Variants in MMD2 observed in about 807,000 individuals in gnomAD.
MMD2 encodes the protein monocyte to macrophage differentiation factor 2.
Under a neutral mutation model 33.5 loss-of-function variants are expected in MMD2, and 30 were observed. The ratio of observed to expected loss-of-function variants is 0.90; its 90% CI spans 0.67 to 1.22. The LOEUF (loss-of-function observed/expected upper bound fraction) is 1.22. MMD2 is among the 50% of genes most tolerant of loss of function. MMD2 has a pLI of 0.00. For synonymous variants in MMD2, 129 were observed against 123.0 expected, an observed-to-expected ratio of 1.05 and a Z score of -0.32; for missense variants, 364 against 325.4, an observed-to-expected ratio of 1.12 and a Z score of -0.91.
chr7:4,892,622 GA>G, the MMD2 span, among the ~76,000 whole-genome samples: 1 of 114,676 alleles, frequency 8.7e-6, no homozygotes. Context: ...AAATAAATCT[GA>G]AAAAATTAAT....
chr7:4,895,104 A>G, the MMD2 span, among the ~76,000 whole-genome samples: 10 of 148,210 alleles, frequency 6.7e-5, no homozygotes, highest in Non-Finnish European at 1.2e-4. Context: ...TCTGAGACAG[A>G]GTCTCGCTCT....
Position 4,925,399 on chromosome 7 carries a change from T to A in MMD2, c.129+52A>T. 3,690 of 776,152 alleles carry A rather than the reference T, an allele frequency of 4.8e-3. 1 individual carries two copies. Among genetic ancestry groups the A allele is most frequent in the Non-Finnish European group, 6.5e-3 (3,347 of 512,116 alleles). The allele number at this position is 776,152 out of a possible 1,614,324, so 48.1% of individuals were successfully genotyped here. ...AAGGAGGTGACTTCCCCCACCCCCC[T>A]TCCCCGGAAGTGTCCCCATCTCAGC... On this transcript the variant is annotated intron_variant, in intron 2 of 6. Coordinates refer to ENST00000401401, the MANE Select transcript of MMD2 (RefSeq NM_198403.4).
rs999920966 is a variant in MMD2 at position 4,946,088 on chromosome 7, CGCACACACACGCAT to C, written c.47+12869_47+12882del. ...ACACACTCACACGCACGCACACGCA[CGCACACACACGCAT>C]GCACACGCGCACACGCACGCACACA... On this transcript the variant is annotated intron_variant, in intron 1 of 6. Coordinates refer to ENST00000401401, the MANE Select transcript of MMD2 (RefSeq NM_198403.4). This position sits in a 1 kb window ranked among gnomAD's most constrained non-coding sequence, Gnocchi z 5.0. Among the ~76,000 whole-genome samples the C allele has an allele frequency of 1.1e-4, 16 of 151,626 alleles. No homozygotes were observed. The highest frequency in any genetic ancestry group is 1.9e-4 in the East Asian group (1 of 5,174).
chr7:4,916,760 A>G lies in MMD2; in HGVS notation c.291-681T>C, dbSNP rs551625435. Among the ~76,000 whole-genome samples the G allele has an allele frequency of 3.3e-4, 50 of 152,194 alleles. No homozygotes were observed. The South Asian group carries it at 5.4e-3, about 16-fold the overall frequency. On this transcript the variant is annotated intron_variant, in intron 3 of 6. Transcript: ENST00000401401. Reference sequence around the variant, plus strand: ...GTTTTTCCAAAGATTTATAATGGGGAAAGAATTCTGTGGACAAAGTGCAAA... The same window carrying G: ...GTTTTTCCAAAGATTTATAATGGGGGAAGAATTCTGTGGACAAAGTGCAAA...
rs368625188 is a variant in MMD2, at chr7:4,909,021, A to C, written c.537+860T>G. Among the ~76,000 whole-genome samples, 60 of 152,172 alleles carry C rather than the reference A, an allele frequency of 3.9e-4. 1 individual carries two copies. Among genetic ancestry groups the C allele is most frequent in the African/African-American group, 1.1e-3 (47 of 41,444 alleles). ...AGTGTGCTTACTACCACTGAACTGA[A>C]TATTTTACCACAGTTTTTTAAAGTA... On this transcript the variant is annotated intron_variant, in intron 6 of 6. Coordinates refer to ENST00000401401, the MANE Select transcript of MMD2 (RefSeq NM_198403.4).
intron 1 of MMD2, among the ~76,000 whole-genome samples, chr7:4,954,131 C>T (rs1442688891): frequency 6.6e-6 from 1 of 152,154 alleles, no homozygotes; most frequent in Non-Finnish European, 1.5e-5. Context: ...TGCACCCAGA[C>T]AGTTAGGCTT....
intron 4 of MMD2, among the ~76,000 whole-genome samples, chr7:4,915,659 C>G (rs4724182): frequency 0.68 from 103,546 of 151,610 alleles, 36,882 homozygotes; most frequent in African/African-American, 0.9. Context: ...AGAATCGCTT[C>G]AACCAGGGAG....
intron 6 of MMD2, among the ~76,000 whole-genome samples, chr7:4,908,833 G>A (rs547776561): frequency 1.3e-5 from 2 of 151,060 alleles, no homozygotes; most frequent in East Asian, 2.0e-4. Context: ...GGAGTTGGAG[G>A]TTGCAGTAAG....
chr7:4,904,080 G>T (rs766228734), downstream of MMD2, among the ~76,000 whole-genome samples: 6 of 152,144 alleles, frequency 3.9e-5, no homozygotes, highest in Non-Finnish European at 7.3e-5. Flanking sequence ...TTACAAGCAG[G>T]TGCCACCATG....
chr7:4,902,369 TTAGA>T (rs758721994), downstream of MMD2, among the ~76,000 whole-genome samples: 4 of 152,242 alleles, frequency 2.6e-5, no homozygotes, highest in Non-Finnish European at 5.9e-5. Context: ...GGCTTGGGTA[TTAGA>T]TAGTCCTGGC....
chr7:4,900,455 A>C, the MMD2 span, among the ~76,000 whole-genome samples: 1 of 152,196 alleles, frequency 6.6e-6, no homozygotes, highest in South Asian at 2.1e-4. Flanking sequence ...CTCTCCAAAA[A>C]CAGGAAGCTC....
chr7:4,931,281 G>T (rs1785580123), intron 1 of MMD2, among the ~76,000 whole-genome samples: 1 of 151,810 alleles, frequency 6.6e-6, no homozygotes, highest in Non-Finnish European at 1.5e-5. Flanking sequence ...GAGTAGCTGG[G>T]ACTACAGGTG....
At chr7:4,933,840 C>CTTGG (rs1785661480) in intron 1 of MMD2, among the ~76,000 whole-genome samples, 2 of 151,830 alleles carry the variant, frequency 1.3e-5, no homozygotes, top group Non-Finnish European at 2.9e-5. Context: ...GATATGTTGC[C>CTTGG]CAGGCTGGTC....
At chr7:4,892,559 G>T in the MMD2 span, among the ~76,000 whole-genome samples, 7 of 151,232 alleles carry the variant, frequency 4.6e-5, no homozygotes, top group African/African-American at 1.7e-4. Flanking sequence ...CTGTACTCCA[G>T]CCTGGGTGAC....
chr7:4,942,362 A>G (rs1236622575), intron 1 of MMD2, among the ~76,000 whole-genome samples: 1 of 151,946 alleles, frequency 6.6e-6, no homozygotes, highest in African/African-American at 2.4e-5. Context: ...GGCCTCCCAA[A>G]GTGCTGGGAT....
At chr7:4,898,911 G>T in the MMD2 span, among the ~76,000 whole-genome samples, 1 of 151,716 alleles carries the variant, frequency 6.6e-6, no homozygotes, top group Non-Finnish European at 1.5e-5. Context: ...AAAAAAGAAA[G>T]AAAGAGAGAC....
At chr7:4,958,150 G>C (rs910928509) in intron 1 of MMD2, among the ~76,000 whole-genome samples, 1 of 152,172 alleles carries the variant, frequency 6.6e-6, no homozygotes, top group South Asian at 2.1e-4. Flanking sequence ...AGAGGCCCCC[G>C]CGGGCTGCTC....
the MMD2 span, among the ~76,000 whole-genome samples, chr7:4,897,227 TAAAAAAAA>T: frequency 8.5e-6 from 1 of 117,176 alleles, no homozygotes; most frequent in African/African-American, 3.2e-5. Flanking sequence ...GTGTTATATT[TAAAAAAAA>T]AAAAAAAAAA....
At chr7:4,892,786 G>A in the MMD2 span, among the ~76,000 whole-genome samples, 1 of 150,630 alleles carries the variant, frequency 6.6e-6, no homozygotes, top group East Asian at 2.0e-4. Context: ...TGTGATCTTG[G>A]CTCACTGCAA....
Sources: gnomAD v4.1 joint callset for allele counts (sites outside exome capture counted in the v4.1 genomes callset) on GRCh38, gnomAD v4.1.1 for gene constraint, Gnocchi (gnomAD v3.1) non-coding constraint, MANE v1.5 for transcripts, NCBI Gene and HGNC (gene_info 2026-07-23, HGNC 2026-07-21) for gene names.